Variants in ZNF18 observed in about 807,000 individuals in gnomAD.
The protein encoded by ZNF18 is heart development-specific gene 1 protein.
In ZNF18, 42 loss-of-function variants were observed where a neutral mutation model predicts 58.1. That is an observed-to-expected ratio of 0.72 (90% CI 0.56 to 0.93). The LOEUF (loss-of-function observed/expected upper bound fraction) is 0.93. Ranked by LOEUF, ZNF18 falls within the 40% of genes least tolerant of loss-of-function variation. ZNF18 has a pLI of 0.00. For synonymous variants in ZNF18, 231 were observed against 239.8 expected (o/e 0.96, Z 0.34); for missense variants, 540 against 644.2 (o/e 0.84, Z 1.75).
chr17:11,998,385 G>A (rs558213426), upstream of ZNF18: 1 of 151,772 alleles, frequency 6.6e-6, no homozygotes, highest in African/African-American at 2.4e-5. Context: ...CAAAGAGGAG[G>A]GTATTCAAAA....
chr17:11,998,540 G>T (rs892295578), upstream of ZNF18: 2 of 148,844 alleles, frequency 1.3e-5, no homozygotes, highest in East Asian at 4.0e-4. Context: ...AACATGTCCT[G>T]TACCTGTCAT....
the ZNF18 span, among the ~76,000 whole-genome samples, chr17:12,011,847 T>A: frequency 1.3e-5 from 2 of 151,562 alleles, no homozygotes; most frequent in Admixed American, 6.6e-5. Context: ...ATTACAGGCA[T>A]GCACCACCAC....
chr17:11,990,975 TAG>T lies in ZNF18; in HGVS notation c.574_575del (p.Leu192SerfsTer67). On this transcript the variant is annotated frameshift_variant and splice_region_variant, in exon 3 of 7. Coordinates refer to ENST00000580306, the MANE Select transcript of ZNF18 (RefSeq NM_001303281.2). LOFTEE classifies it high-confidence loss of function. ...VKEESDTEAE[L>X]ALAASQPARL... is the part of the protein sequence containing the mutation. ...AACACCACACAGCACCATCCTCACC[TAG>T]TTCTGCTTCTGTGTCAGATTCCTCT... 6.2e-7 allele frequency: 1 copy of T among 1,613,320 alleles called. No homozygotes were observed. Among genetic ancestry groups the T allele is most frequent in the Admixed American group, 1.7e-5 (1 of 59,974 alleles).
chr17:12,005,219 T>C, the ZNF18 span, among the ~76,000 whole-genome samples: 2 of 151,140 alleles, frequency 1.3e-5, no homozygotes, highest in Non-Finnish European at 2.9e-5. Flanking sequence ...ATATTATATA[T>C]ATAGAACATG....
At chr17:11,979,642 T>C (rs1295678103) in intron 6 of ZNF18, among the ~76,000 whole-genome samples, 2 of 152,202 alleles carry the variant, frequency 1.3e-5, no homozygotes, top group African/African-American at 2.4e-5. Flanking sequence ...ATTTTAACTA[T>C]ATAGATCTAA....
chr17:12,021,032 C>G, the ZNF18 span: 404 of 1,172,130 alleles, frequency 3.4e-4, 2 homozygotes, highest in Non-Finnish European at 4.1e-4. Context: ...GAGATCCCAG[C>G]CCCCTAGCGC....
intron 1 of ZNF18, among the ~76,000 whole-genome samples, chr17:11,994,840 CA>C (rs963524607): frequency 3.5e-4 from 50 of 142,276 alleles, no homozygotes; most frequent in Admixed American, 2.5e-3. Flanking sequence ...GACTCCGTCT[CA>C]AAAAAAAAAG....
At chr17:12,013,768 T>A in the ZNF18 span, among the ~76,000 whole-genome samples, 28 of 152,358 alleles carry the variant, frequency 1.8e-4, 2 homozygotes, top group Admixed American at 9.8e-4. Context: ...GAATTTCCTA[T>A]GTGTCTAACA....
the ZNF18 span, among the ~76,000 whole-genome samples, chr17:12,005,198 T>C: frequency 1.3e-5 from 2 of 150,812 alleles, no homozygotes; most frequent in Admixed American, 1.3e-4. Context: ...CAGATACTAA[T>C]ATATGCATAT....
intron 6 of ZNF18, among the ~76,000 whole-genome samples, chr17:11,979,389 A>G (rs1387910900): frequency 6.6e-6 from 1 of 152,222 alleles, no homozygotes; most frequent in Non-Finnish European, 1.5e-5. Flanking sequence ...CCCATTCATA[A>G]GACGCCCAAA....
the ZNF18 span, among the ~76,000 whole-genome samples, chr17:12,009,656 T>C: frequency 9.9e-5 from 15 of 151,994 alleles, no homozygotes; most frequent in African/African-American, 3.1e-4. Flanking sequence ...TTTCACCACG[T>C]TGGCCAGGCT....
chr17:11,983,218 CCTT>C, intron 6 of ZNF18, 76 bp downstream of exon 6: 1 of 1,093,338 alleles, frequency 9.1e-7, no homozygotes, highest in African/African-American at 1.5e-5. Context: ...CCCCTGACCT[CCTT>C]CACCACCTCC....
At position 11,982,183 on chromosome 17, in the gene ZNF18, GAAAT is replaced by G. The variant is rs1212780274; in HGVS notation, c.862+1110_862+1113del. Among the ~76,000 whole-genome samples the G allele has an allele frequency of 2.6e-5, 4 of 152,178 alleles. No homozygotes were observed. The East Asian group carries it at 7.7e-4, about 29-fold the overall frequency. On this transcript the variant is annotated intron_variant, in intron 6 of 6. Coordinates refer to ENST00000580306, the MANE Select transcript of ZNF18 (RefSeq NM_001303281.2). The stretch of plus-strand genomic sequence containing the variant: ...GACTTCCCAACCTCCAGAAATGTGA[GAAAT>G]AAATGTTTGTTGTTTAAGCAACTTA...
the ZNF18 span, among the ~76,000 whole-genome samples, chr17:12,013,112 C>A: frequency 2.6e-5 from 4 of 151,996 alleles, no homozygotes; most frequent in African/African-American, 9.7e-5. Context: ...CCACCATGCC[C>A]GGCTAATTTT....
At chr17:12,014,116 T>C in the ZNF18 span, among the ~76,000 whole-genome samples, 2 of 152,244 alleles carry the variant, frequency 1.3e-5, no homozygotes, top group African/African-American at 4.8e-5. Flanking sequence ...CTAGGGTGGC[T>C]ATAATAGAAA....
upstream of ZNF18, chr17:12,002,326 G>A (rs1175692226): frequency 6.6e-6 from 1 of 152,136 alleles, no homozygotes; most frequent in Admixed American, 6.5e-5. Context: ...CTTGAACCCG[G>A]GAGGCAGAGG....
At chr17:12,004,840 T>A in the ZNF18 span, among the ~76,000 whole-genome samples, 22 of 139,068 alleles carry the variant, frequency 1.6e-4, no homozygotes, top group Non-Finnish European at 2.3e-4. Flanking sequence ...TGAGCCAAGA[T>A]CATGCCATTG....
chr17:12,002,997 A>G, the ZNF18 span, among the ~76,000 whole-genome samples: 1 of 152,232 alleles, frequency 6.6e-6, no homozygotes, highest in Non-Finnish European at 1.5e-5. Context: ...GTTGACTTCA[A>G]TAGAGCAAAG....
chr17:12,010,830 C>G, the ZNF18 span: 4 of 466,944 alleles, frequency 8.6e-6, no homozygotes, highest in Admixed American at 1.2e-4. Context: ...GCAGTGCAGG[C>G]TGGCACTTCA....
Sources: allele counts gnomAD v4.1 joint callset (sites outside exome capture counted in the v4.1 genomes callset), GRCh38; gene constraint gnomAD v4.1.1; transcripts MANE v1.5; gene names NCBI Gene and HGNC (gene_info 2026-07-23, HGNC 2026-07-21).